KAZN: variants seen among roughly 807,000 people sequenced by gnomAD.
The protein encoded by KAZN is kazrin, periplakin interacting protein.
Under a neutral mutation model 87.4 loss-of-function variants are expected in KAZN, and 40 were observed. That is an observed-to-expected ratio of 0.46 (90% confidence interval 0.36 to 0.60). The LOEUF (loss-of-function observed/expected upper bound fraction) is 0.60, where lower values mean the gene tolerates loss of function less well. Among genes scored for constraint, KAZN ranks in the 20% least tolerant of loss-of-function variants. The pLI, the probability that KAZN is intolerant of heterozygous loss-of-function variation, is 0.00. For synonymous variants in KAZN, 466 were observed against 458.3 expected (o/e 1.02, Z -0.22); for missense variants, 898 against 1,073.9 (o/e 0.84, Z 2.29).
At chr1:14,104,208 C>T (rs774179720) in intron 1 of KAZN, among the ~76,000 whole-genome samples, 12 of 152,138 alleles carry the variant, frequency 7.9e-5, no homozygotes, top group Non-Finnish European at 1.3e-4. Flanking sequence ...GTGCCAGATG[C>T]GTCTCTCCTT....
chr1:14,858,058 T>C (rs1381647375), intron 1 of KAZN, among the ~76,000 whole-genome samples: 1 of 152,190 alleles, frequency 6.6e-6, no homozygotes, highest in Non-Finnish European at 1.5e-5. Flanking sequence ...TCATGCAATA[T>C]TGGGCTTTTG....
At chr1:14,816,166 C>T (rs919909085) in intron 1 of KAZN, among the ~76,000 whole-genome samples, 1 of 152,140 alleles carries the variant, frequency 6.6e-6, no homozygotes, top group Non-Finnish European at 1.5e-5. Flanking sequence ...GTGTCAGGCA[C>T]ATAGTAGCAA....
At chr1:14,405,545 T>TA in intron 2 of KAZN, among the ~76,000 whole-genome samples, 1 of 151,818 alleles carries the variant, frequency 6.6e-6, no homozygotes, top group Non-Finnish European at 1.5e-5. Context: ...TAGCTGTGTG[T>TA]CATTTGGGCA....
rs112212210 is a variant in KAZN, at chr1:14,152,103, G to A, written c.92-28332G>A. 6.5e-3 allele frequency among the ~76,000 whole-genome samples: 993 copies of A among 152,288 alleles called. 11 individuals are homozygous for A. Among genetic ancestry groups the A allele is most frequent in the African/African-American group, 0.023 (956 of 41,560 alleles). On this transcript the variant is annotated intron_variant, in intron 1 of 16. Transcript: ENST00000636203. ...ATGTGAGATATTTTGATACAGGCAT[G>A]TAATGCACAATAACCATATATGGGT...
upstream of KAZN, among the ~76,000 whole-genome samples, chr1:14,595,588 A>G (rs1223773327): frequency 6.6e-6 from 1 of 151,072 alleles, no homozygotes; most frequent in Non-Finnish European, 1.5e-5. Context: ...AGGCTGAGGC[A>G]GACAATCCCT....
intron 1 of KAZN, among the ~76,000 whole-genome samples, chr1:14,042,122 A>G (rs948094471): frequency 2.0e-5 from 3 of 152,036 alleles, no homozygotes; most frequent in Non-Finnish European, 2.9e-5. Context: ...TCTCTCTGGA[A>G]ATCTCTTAGT....
intron 1 of KAZN, among the ~76,000 whole-genome samples, chr1:14,754,655 A>G (rs1052356600): frequency 2.0e-5 from 3 of 152,046 alleles, no homozygotes. Context: ...ATTCAAATTC[A>G]TTAATCCAGA....
intron 4 of KAZN, among the ~76,000 whole-genome samples, chr1:15,054,188 A>AT (rs905676565): frequency 4.0e-5 from 6 of 151,830 alleles, no homozygotes; most frequent in African/African-American, 1.5e-4. Context: ...GATTAGATGG[A>AT]TTTTTTTGTT....
intron 6 of KAZN, 111 bp downstream of exon 6, chr1:15,060,413 G>A: frequency 1.4e-6 from 2 of 1,380,390 alleles, no homozygotes; most frequent in Non-Finnish European, 2.0e-6. Flanking sequence ...CACCCAGGGA[G>A]CACTCTGGCG....
chr1:13,969,774 G>A lies in KAZN; in HGVS notation c.91+76018G>A, dbSNP rs557230743. On this transcript the variant is annotated intron_variant, in intron 1 of 16. Transcript: ENST00000636203. ...CACTTGGATAGGAAATGACTAGGAT[G>A]TGTGCCCAGCACACACCACAGATAA... 9.2e-5 allele frequency among the ~76,000 whole-genome samples: 14 copies of A among 152,248 alleles called. No homozygotes were observed. The East Asian group carries it at 2.7e-3, about 29-fold the overall frequency.
At chr1:14,931,867 A>T (rs890295654) in intron 1 of KAZN, among the ~76,000 whole-genome samples, 2 of 152,212 alleles carry the variant, frequency 1.3e-5, no homozygotes, top group Admixed American at 6.5e-5. Flanking sequence ...ACAGTCAGGT[A>T]GATGGACATC....
At chr1:13,926,277 C>T (rs1570297945) in intron 1 of KAZN, among the ~76,000 whole-genome samples, 1 of 152,280 alleles carries the variant, frequency 6.6e-6, no homozygotes, top group East Asian at 1.9e-4. Context: ...GCTGTCTGCC[C>T]TGGCTGGCTG....
chr1:14,224,392 T>C (rs1172542223), intron 2 of KAZN, among the ~76,000 whole-genome samples: 2 of 152,154 alleles, frequency 1.3e-5, no homozygotes, highest in African/African-American at 2.4e-5. Context: ...GAGTAGAACA[T>C]ACTAAGATAA....
At chr1:14,922,416 A>G (rs2101501011) in intron 1 of KAZN, among the ~76,000 whole-genome samples, 1 of 152,288 alleles carries the variant, frequency 6.6e-6, no homozygotes, top group South Asian at 2.1e-4. Context: ...GATTCCCAGC[A>G]TCTCTGGTCA....
intron 1 of KAZN, among the ~76,000 whole-genome samples, chr1:14,038,905 C>T (rs771303469): frequency 6.6e-6 from 1 of 152,164 alleles, no homozygotes; most frequent in South Asian, 2.1e-4. Flanking sequence ...GTGGCTCATG[C>T]CTGTAATCCC....
chr1:14,701,836 G>T (rs1641938347), intron 1 of KAZN, among the ~76,000 whole-genome samples: 1 of 152,070 alleles, frequency 6.6e-6, no homozygotes, highest in East Asian at 1.9e-4. Flanking sequence ...GGTGGCACCT[G>T]CCCTTCCCTG....
At chr1:14,363,021 C>T (rs1659651195) in intron 2 of KAZN, among the ~76,000 whole-genome samples, 1 of 152,162 alleles carries the variant, frequency 6.6e-6, no homozygotes, top group Non-Finnish European at 1.5e-5. Context: ...CCTCATTTCT[C>T]CTCCTATGAA....
chr1:14,111,311 G>A lies in KAZN; in HGVS notation c.92-69124G>A, dbSNP rs1644494809. 1.5e-5 allele frequency among the ~76,000 whole-genome samples: 2 copies of A among 133,696 alleles called. 1 individual carries two copies. The highest frequency in any genetic ancestry group is 3.2e-5 in the Non-Finnish European group (2 of 62,612). The allele number at this position is 133,696 out of a possible 152,430, so 87.7% of individuals were successfully genotyped here. A position where few individuals can be genotyped will look rare whatever the true frequency, so the allele number is the denominator to read the frequency against. ...ATGGGGATCCTGGCTGCTGAGCAAG[G>A]GGTGGGCAGGAAGGAAAGAGTGCCT... On this transcript the variant is annotated intron_variant, in intron 1 of 16. Coordinates refer to the KAZN transcript ENST00000636203.
intron 1 of KAZN, among the ~76,000 whole-genome samples, chr1:14,794,157 G>A (rs1263802325): frequency 1.3e-5 from 2 of 152,110 alleles, no homozygotes; most frequent in Non-Finnish European, 2.9e-5. Flanking sequence ...GTTCTTCTAG[G>A]GTGCCCTCTT....
Sources: gnomAD v4.1 joint callset for allele counts (sites outside exome capture counted in the v4.1 genomes callset) on GRCh38, gnomAD v4.1.1 for gene constraint, MANE v1.5 for transcripts, NCBI Gene and HGNC (gene_info 2026-07-23, HGNC 2026-07-21) for gene names.